DOCK10: variants seen among roughly 807,000 people sequenced by gnomAD.
DOCK10 encodes the protein dedicator of cytokinesis 10, also known as dedicator of cytokinesis protein 10.
In DOCK10, 145 loss-of-function variants were observed where a neutral mutation model predicts 280.1. The observed-to-expected ratio is 0.52, with a 90% CI of 0.45 to 0.59. DOCK10 has a LOEUF of 0.59. Among genes scored for constraint, DOCK10 ranks in the 20% least tolerant of loss-of-function variants. The pLI is 0.00. For synonymous variants in DOCK10, 915 were observed against 942.2 expected, an observed-to-expected ratio of 0.97 and a Z score of 0.53; for missense variants, 2,368 against 2,651.7, an observed-to-expected ratio of 0.89 and a Z score of 2.35.
intron 50 of DOCK10, among the ~76,000 whole-genome samples, chr2:224,782,164 A>G (rs1040194014): frequency 6.6e-6 from 1 of 152,106 alleles, no homozygotes; most frequent in Non-Finnish European, 1.5e-5. Flanking sequence ...CGACTTTCCT[A>G]TAGGTGGAGA....
At chr2:224,829,620 C>G (rs1695090044) in intron 27 of DOCK10, among the ~76,000 whole-genome samples, 1 of 152,156 alleles carries the variant, frequency 6.6e-6, no homozygotes, top group Non-Finnish European at 1.5e-5. Flanking sequence ...TGGTCTTCCT[C>G]ACTCCATTGT....
rs1323910530 is a variant in DOCK10, at chr2:224,800,241, G to T, written c.4416C>A (p.Ile1472=). The change falls in exon 41 of 56, where the codon ATC becomes ATA. Residue 1472 remains isoleucine (I), a synonymous_variant. Transcript: ENST00000258390. ...TGGCCTCAGTGTCTACATGATGCAC[G>T]ATGTCTATTTCATTGGAGTTGCCTA... is the stretch of plus-strand genomic sequence containing the variant. The part of the protein sequence containing the change: ...TMTSNSNEID[I]VHHVDTEANI... 1.2e-6 allele frequency: 2 copies of T among 1,610,078 alleles called. No homozygotes were observed. The highest frequency in any genetic ancestry group is 1.7e-6 in the Non-Finnish European group (2 of 1,177,442).
At chr2:224,996,129 T>C (rs1200863484) in intron 1 of DOCK10, among the ~76,000 whole-genome samples, 2 of 152,248 alleles carry the variant, frequency 1.3e-5, no homozygotes, top group Non-Finnish European at 2.9e-5. Flanking sequence ...AGTACTTCGT[T>C]TCTCTCCTCT....
At chr2:225,020,215 T>C (rs555071475) in intron 1 of DOCK10, among the ~76,000 whole-genome samples, 60 of 152,204 alleles carry the variant, frequency 3.9e-4, no homozygotes, top group East Asian at 7.7e-4. Context: ...AAATGTTATA[T>C]AGATAACATT....
At position 224,885,707 on chromosome 2, in the gene DOCK10, T is replaced by A; in HGVS notation, c.711A>T (p.Gly237=). 6.2e-7 allele frequency: 1 copy of A among 1,613,258 alleles called. No individual in the cohort carries two copies. The highest frequency in any genetic ancestry group is 8.5e-7 in the Non-Finnish European group (1 of 1,179,536). Residue 237 remains glycine, a synonymous_variant, in exon 7 of 56, where the codon GGA becomes GGT. Coordinates refer to ENST00000258390, the MANE Select transcript of DOCK10 (RefSeq NM_014689.3). ...CTGTACAGGAATCCAAAAAGATGCA[T>A]CCTTTGGGTTCTTTGGATATTTTCT... ...KDEKISKEPK[G]CIFLDSCTGV... is the part of the protein sequence containing the mutation.
At chr2:224,975,707 T>G (rs941766354) in intron 1 of DOCK10, among the ~76,000 whole-genome samples, 2 of 152,214 alleles carry the variant, frequency 1.3e-5, no homozygotes, top group African/African-American at 4.8e-5. Context: ...ATTAAACAAA[T>G]GTATGTTCCA....
At position 224,916,753 on chromosome 2, in the gene DOCK10, A is replaced by G; in HGVS notation, c.275T>C (p.Leu92Ser). 6.2e-7 allele frequency: 1 copy of G among 1,611,250 alleles called. No homozygotes were observed. The stretch of plus-strand genomic sequence containing the variant: ...TGCATCTTCAGGTACTGTTGAGTAC[A>G]ACGTGCGGATATCCCAGGAAACTGT... Reference protein sequence around the residue: ...AATVSWDIRTLYSTVPEDAEH... With the variant: ...AATVSWDIRTSYSTVPEDAEH... Residue 92 changes from leucine (L) to serine (S), a missense_variant, in exon 3 of 56, where the codon TTG becomes TCG. By Grantham distance (145) the Leu-to-Ser change is moderately radical. Around this residue, in one of 2 missense-constraint regions of DOCK10, gnomAD observed 1,209 missense variants for 1,250.9 expected, o/e 0.97. Transcript: ENST00000258390.
intron 1 of DOCK10, among the ~76,000 whole-genome samples, chr2:224,950,006 G>A (rs1403847758): frequency 6.6e-6 from 1 of 152,210 alleles, no homozygotes; most frequent in Non-Finnish European, 1.5e-5. Context: ...GAAGTCAGGA[G>A]CTAGTTCATG....
At chr2:224,961,398 T>TTTTCTTTCTTTC (rs1704378619) in intron 1 of DOCK10, among the ~76,000 whole-genome samples, 1 of 111,766 alleles carries the variant, frequency 8.9e-6, no homozygotes, top group Non-Finnish European at 1.9e-5. Flanking sequence ...TAGCAGCATT[T>TTTTCTTTCTTTC]TCTTTCTTTC....
chr2:224,785,705 C>T (rs1418494306), intron 50 of DOCK10, among the ~76,000 whole-genome samples: 1 of 152,146 alleles, frequency 6.6e-6, no homozygotes, highest in Admixed American at 6.5e-5. Context: ...TGGTCTCGAT[C>T]TCCTGACCTC....
intron 31 of DOCK10, among the ~76,000 whole-genome samples, chr2:224,810,230 T>C (rs916552254): frequency 6.6e-6 from 1 of 152,128 alleles, no homozygotes; most frequent in African/African-American, 2.4e-5. Context: ...ATGCAATCTA[T>C]GCATGTAACA....
chr2:224,998,007 C>T (rs1706321010), intron 1 of DOCK10, among the ~76,000 whole-genome samples: 1 of 152,098 alleles, frequency 6.6e-6, no homozygotes. Flanking sequence ...CCAGCTGGCT[C>T]TTGTCTGTTT....
At chr2:225,034,301 G>C (rs1330055640) in intron 1 of DOCK10, among the ~76,000 whole-genome samples, 1 of 152,198 alleles carries the variant, frequency 6.6e-6, no homozygotes, top group South Asian at 2.1e-4. Context: ...CATTTGATCT[G>C]AAGAAAGTTC....
At position 225,042,171 on chromosome 2, in the gene DOCK10, C is replaced by A; in HGVS notation, c.123+81G>T. ...GTGAGCTGCGGGGACCTGGGCCCGC[C>A]GAGCTTTTGGGGAAGCTGGGCTCCG... On this transcript the variant is annotated intron_variant, in intron 1 of 55. Transcript: ENST00000258390. This position sits in a 1 kb window ranked among gnomAD's most constrained non-coding sequence, Gnocchi z 5.1. 1 of 1,210,296 alleles carries A rather than the reference C, an allele frequency of 8.3e-7. No homozygotes were observed. The allele number at this position is 1,210,296 out of a possible 1,614,324, so 75.0% of individuals were successfully genotyped here. A position where few individuals can be genotyped will look rare whatever the true frequency, so the allele number is the denominator to read the frequency against.
chr2:224,939,702 C>T (rs576282034), intron 1 of DOCK10, among the ~76,000 whole-genome samples: 1 of 152,230 alleles, frequency 6.6e-6, no homozygotes, highest in Admixed American at 6.5e-5. Context: ...CCAGCTTAAC[C>T]TCAGATACTA....
At chr2:224,985,517 G>C (rs1705949399) in intron 1 of DOCK10, among the ~76,000 whole-genome samples, 1 of 151,684 alleles carries the variant, frequency 6.6e-6, no homozygotes, top group Non-Finnish European at 1.5e-5. Flanking sequence ...AATGCTCATA[G>C]GAAATGGAAG....
chr2:224,774,992 G>T lies in DOCK10; in HGVS notation c.5926C>A (p.Arg1976Ser), dbSNP rs370524123. Residue 1976 changes from arginine to serine, a missense_variant, in exon 52 of 56, where the codon CGC becomes AGC. By Grantham distance (110) the Arg-to-Ser change is moderately radical (BLOSUM62 -1). This residue lies in a region of DOCK10 where 1,159 missense variants were observed against 1,400.8 expected (regional missense o/e 0.83). Transcript: ENST00000258390. ...TDFEMHHNINRFVFETPFTLS... is the reference protein window; with the variant it reads ...TDFEMHHNINSFVFETPFTLS... ...GTGAAGGGTGTCTCGAAGACAAAGC[G>T]GTTGATGTTGTGGTGCATTTCGAAA... The T allele has an allele frequency of 1.2e-4, 200 of 1,613,408 alleles. No homozygotes were observed. The highest frequency in any genetic ancestry group is 3.3e-4 in the Middle Eastern group (2 of 6,082).
chr2:224,858,709 A>G (rs538041271), intron 14 of DOCK10, among the ~76,000 whole-genome samples: 3 of 152,318 alleles, frequency 2.0e-5, no homozygotes, highest in South Asian at 2.1e-4. Context: ...ATTCATTTAC[A>G]TAGATGGTTT....
At position 224,885,470 on chromosome 2, in the gene DOCK10, C is replaced by T. The variant is rs1411704178; in HGVS notation, c.747+201G>A. ...ACCAGCTGATTCCATTCTGCTTATT[C>T]ATGTCTTTGCTTAATTCCTGTTTTT... On this transcript the variant is annotated intron_variant, in intron 7 of 55. Transcript: ENST00000258390. Among the ~76,000 whole-genome samples the T allele has an allele frequency of 2.0e-5, 3 of 152,106 alleles. No individual in the cohort carries two copies. In the East Asian group the frequency reaches 5.8e-4, roughly 29 times the overall value.
Sources: allele counts gnomAD v4.1 joint callset (sites outside exome capture counted in the v4.1 genomes callset), GRCh38; gene constraint gnomAD v4.1.1; regional missense constraint gnomAD v4.1.1; non-coding constraint Gnocchi (gnomAD v3.1); transcripts MANE v1.5; gene names NCBI Gene and HGNC (gene_info 2026-07-23, HGNC 2026-07-21).